Variants in UCP2 observed in about 807,000 individuals in gnomAD.
UCP2 encodes the protein dicarboxylate carrier SLC25A8.
UCP2 carries 27 observed loss-of-function variants against 31.3 expected under a neutral mutation model. The observed-to-expected ratio is 0.86, with a 90% CI of 0.64 to 1.19. The LOEUF is 1.19. Among genes scored for constraint, UCP2 ranks in the 50% most tolerant of loss-of-function variants. UCP2 has a pLI of 0.00. For missense variants in UCP2, 377 were observed against 413.5 expected (o/e 0.91, Z 0.76); for synonymous variants, 142 against 157.4 (o/e 0.90, Z 0.73).
rs1357261201 is a variant in UCP2, at chr11:73,978,339, T to C, written c.40A>G (p.Thr14Ala). The C allele has an allele frequency of 6.2e-7, 1 of 1,614,162 alleles. No individual in the cohort carries two copies. Among genetic ancestry groups the C allele is most frequent in the South Asian group, 1.1e-5 (1 of 91,082 alleles). The stretch of plus-strand genomic sequence containing the variant: ...GTGCCAGCCCCAAGAAACTTCACAG[T>C]GGCAGTAGGGGGCACATCTGTGGCC... ...FKATDVPPTA[T>A]VKFLGAGTAA... The change falls in exon 3 of 8, where the codon ACT becomes GCT. Residue 14 changes from threonine to alanine, a missense_variant. By Grantham distance (58) the Thr-to-Ala change is moderately conservative. Transcript: ENST00000663595.
intron 2 of UCP2, 166 bp from the exon 3 acceptor site, chr11:73,978,643 T>C (rs1951402820): frequency 1.1e-5 from 5 of 472,804 alleles, no homozygotes; most frequent in South Asian, 8.1e-5. Flanking sequence ...AGTTAGGTGC[T>C]GGTGAAGCAA....
chr11:73,982,438 A>C (rs1951474921), intron 1 of UCP2, among the ~76,000 whole-genome samples: 1 of 152,124 alleles, frequency 6.6e-6, no homozygotes, highest in African/African-American at 2.4e-5. Flanking sequence ...CACAAAAATT[A>C]GCCAGGCGTG....
intron 5 of UCP2, 36 bp from the exon 6 acceptor site, chr11:73,976,778 T>C (rs1423163514): frequency 2.5e-6 from 4 of 1,613,720 alleles, no homozygotes; most frequent in Non-Finnish European, 3.4e-6. Flanking sequence ...GAGACCAGAG[T>C]ATCGGGGAGG....
intron 4 of UCP2, 91 bp downstream of exon 4, chr11:73,977,795 G>A: frequency 1.3e-6 from 2 of 1,543,148 alleles, no homozygotes; most frequent in South Asian, 1.1e-5. Context: ...AGGGATCGTG[G>A]GGCCTAAAAA....
chr11:73,975,450 G>C (rs1236099838), intron 7 of UCP2, 41 bp downstream of exon 7: 1 of 1,580,954 alleles, frequency 6.3e-7, no homozygotes, highest in African/African-American at 1.4e-5. Flanking sequence ...GACATGCATA[G>C]CCAAGAGGCC....
chr11:73,976,965 A>G lies in UCP2; in HGVS notation c.390T>C (p.Ala130=). 3.7e-6 allele frequency: 6 copies of G among 1,608,664 alleles called. No homozygotes were observed. Among genetic ancestry groups the G allele is most frequent in the Non-Finnish European group, 5.1e-6 (6 of 1,175,958 alleles). ...CATCCGTGGGCTGGGCCACAGCCAC[A>G]GCCAGGGCACCTGTGGTGCTGCCTG... is the stretch of plus-strand genomic sequence containing the variant. The part of the protein sequence containing the change: ...LLAGSTTGAL[A]VAVAQPTDVV... The change falls in exon 5 of 8, where the codon GCT becomes GCC. Residue 130 remains alanine, a synonymous_variant. Coordinates refer to ENST00000663595, the MANE Select transcript of UCP2 (RefSeq NM_003355.3).
chr11:73,982,363 G>A (rs560241820), intron 1 of UCP2, among the ~76,000 whole-genome samples: 1 of 152,164 alleles, frequency 6.6e-6, no homozygotes, highest in Non-Finnish European at 1.5e-5. Context: ...GAGGCGGGCG[G>A]ATTGCTTGAG....
At chr11:73,979,053 T>C (rs765172694) in intron 2 of UCP2, among the ~76,000 whole-genome samples, 1 of 152,246 alleles carries the variant, frequency 6.6e-6, no homozygotes, top group Non-Finnish European at 1.5e-5. Flanking sequence ...AGTCATTGTT[T>C]TAGCAAGACT....
At chr11:73,977,117 T>C in intron 4 of UCP2, 100 bp from the exon 5 acceptor site, 3 of 1,313,636 alleles carry the variant, frequency 2.3e-6, no homozygotes, top group Non-Finnish European at 2.1e-6. Context: ...TCTCCTGCTT[T>C]TGGGAATAGA....
At chr11:73,978,189 G>A in intron 3 of UCP2, 64 bp downstream of exon 3, 1 of 1,614,060 alleles carries the variant, frequency 6.2e-7, no homozygotes, top group South Asian at 1.1e-5. Flanking sequence ...CCCTTGAGGG[G>A]TCTGTGTCTT....
intron 2 of UCP2, chr11:73,980,179 C>CT (rs1322655274): frequency 6.6e-6 from 1 of 152,244 alleles, no homozygotes; most frequent in Non-Finnish European, 1.5e-5. Flanking sequence ...GCTTCTTCCC[C>CT]TGAGCTTATT....
intron 2 of UCP2, 48 bp from the exon 3 acceptor site, chr11:73,978,525 C>T (rs1274915208): frequency 4.2e-6 from 5 of 1,194,480 alleles, no homozygotes; most frequent in Admixed American, 2.0e-5. Flanking sequence ...TCCCCAGGCC[C>T]TCCCTGCTCA....
At chr11:73,976,799 G>A (rs1323524685) in intron 5 of UCP2, 24 bp downstream of exon 5, 2 of 1,614,128 alleles carry the variant, frequency 1.2e-6, no homozygotes, top group African/African-American at 1.3e-5. Context: ...AGGAAAAGGG[G>A]AAGGGAAAAC....
intron 6 of UCP2, 23 bp from the exon 7 acceptor site, chr11:73,975,694 G>A: frequency 6.2e-7 from 1 of 1,613,942 alleles, no homozygotes; most frequent in South Asian, 1.1e-5. Context: ...AGCAGGCAAG[G>A]CAGTCAAGAT....
chr11:73,980,848 TATG>T (rs1565184953), intron 2 of UCP2: 3 of 152,228 alleles, frequency 2.0e-5, no homozygotes. Context: ...GCATCAGAGA[TATG>T]ATGACATGAG....
In UCP2 at chr11:73,974,930, A is replaced by G. The variant is rs60141953; in HGVS notation, c.*77T>C. 4,557 of 863,038 alleles carry G rather than the reference A, an allele frequency of 5.3e-3. 134 individuals are homozygous for G. In the African/African-American group the frequency reaches 0.082, roughly 16 times the overall value. The allele number at this position is 863,038 out of a possible 1,614,324, so 53.5% of individuals were successfully genotyped here. ...GAAGGAGAGAAGGGAAGGAGGGAAG[A>G]GAAAGAAGGAAGAAAAGGAAAGCAT... On this transcript the variant is annotated 3_prime_UTR_variant, in exon 8 of 8. Coordinates refer to ENST00000663595, the MANE Select transcript of UCP2 (RefSeq NM_003355.3).
chr11:73,978,280 AG>A lies in UCP2; in HGVS notation c.98del (p.Pro33LeufsTer30). The A allele has an allele frequency of 6.2e-7, 1 of 1,614,182 alleles. No homozygotes were observed. Among genetic ancestry groups the A allele is most frequent in the Non-Finnish European group, 8.5e-7 (1 of 1,180,026 alleles). On this transcript the variant is annotated frameshift_variant, in exon 3 of 8. Coordinates refer to ENST00000663595, the MANE Select transcript of UCP2 (RefSeq NM_003355.3). LOFTEE classifies it high-confidence loss of function. ...GTAACCGGACTTTAGCAGTATCCAG[AG>A]GAAAGGTGATGAGATCTGCGATGCA... ...AACIADLITF[P>X]LDTAKVRLQI...
Position 73,974,820 on chromosome 11 carries a change from C to A in UCP2, c.*187G>T. ...CCACACTGTCAAATGTCAACTCCAC[C>A]AGCACTGAGACAATGAGTAGATGAG... On this transcript the variant is annotated 3_prime_UTR_variant, in exon 8 of 8. Transcript: ENST00000663595. 2.7e-6 allele frequency: 1 copy of A among 376,316 alleles called. No homozygotes were observed. The allele number at this position is 376,316 out of a possible 1,614,324, so 23.3% of individuals were successfully genotyped here.
rs546740695 is a variant in UCP2, at chr11:73,974,765, C to A, written c.*242G>T. ...TGGCTGAACTTTCCAAGGGACGGGA[C>A]GCTTGGGATCCTGGCTGGTACGAGG... is the stretch of plus-strand genomic sequence containing the variant. On this transcript the variant is annotated 3_prime_UTR_variant, in exon 8 of 8. Transcript: ENST00000663595. 2 of 371,290 alleles carry A rather than the reference C, an allele frequency of 5.4e-6. No individual in the cohort carries two copies. The highest frequency in any genetic ancestry group is 4.7e-5 in the African/African-American group (2 of 42,490). 23.0% of individuals were successfully genotyped at this position (371,290 alleles called of 1,614,324 possible). A position where few individuals can be genotyped will look rare whatever the true frequency, so the allele number is the denominator to read the frequency against.
Sources: gnomAD v4.1 joint callset for allele counts (sites outside exome capture counted in the v4.1 genomes callset) on GRCh38, gnomAD v4.1.1 for gene constraint, MANE v1.5 for transcripts, NCBI Gene and HGNC (gene_info 2026-07-23, HGNC 2026-07-21) for gene names.